Variants in NCOR1 observed in about 807,000 individuals in gnomAD.
NCOR1 encodes nuclear receptor corepressor 1.
A neutral mutation model predicts 288.1 loss-of-function variants in NCOR1; 63 were observed. The observed-to-expected ratio is 0.22, with a 90% CI of 0.18 to 0.27. The LOEUF (loss-of-function observed/expected upper bound fraction) is 0.27. NCOR1 is among the 10% of genes least tolerant of loss of function. The pLI, the probability that NCOR1 is intolerant of heterozygous loss-of-function variation, is 1.00. For synonymous variants in NCOR1, 1,007 were observed against 1,065.9 expected (o/e 0.94, Z 1.08); for missense variants, 2,397 against 3,019.2 (o/e 0.79, Z 4.83).
Position 16,146,377 on chromosome 17 carries a change from G to T in NCOR1, c.1081C>A (p.Arg361=), listed in dbSNP as rs1478001625. 6.3e-7 allele frequency: 1 copy of T among 1,596,928 alleles called. No individual in the cohort carries two copies. Among genetic ancestry groups the T allele is most frequent in the African/African-American group, 1.4e-5 (1 of 73,858 alleles). Residue 361 remains arginine (R), a splice_region_variant and synonymous_variant, in exon 10 of 46, where the codon CGA becomes AGA. Transcript: ENST00000268712. ...GTCATTAAACATCAAACTACTCACC[G>T]CTGAAATCTTTCTTGCTGTTCTCTT... is the stretch of plus-strand genomic sequence containing the variant. ...KQREQQERFQ[R]VGQRGAGLSA... is the part of the protein sequence containing the mutation.
intron 6 of NCOR1, among the ~76,000 whole-genome samples, chr17:16,154,129 T>C (rs2079329473): frequency 6.9e-6 from 1 of 143,964 alleles, no homozygotes; most frequent in Non-Finnish European, 1.5e-5. Flanking sequence ...TGGACTCAAA[T>C]AATGCCCCCA....
At chr17:16,044,123 C>T (rs564428053) in intron 42 of NCOR1, among the ~76,000 whole-genome samples, 201 of 139,290 alleles carry the variant, frequency 1.4e-3, no homozygotes, top group African/African-American at 4.9e-3. Flanking sequence ...GAGCCGAGAT[C>T]GTGCCACTGC....
intron 40 of NCOR1, among the ~76,000 whole-genome samples, chr17:16,051,898 C>T (rs1297429135): frequency 2.0e-5 from 3 of 151,910 alleles, no homozygotes; most frequent in Non-Finnish European, 2.9e-5. Flanking sequence ...ACAACAAGAG[C>T]GAAACTCCTT....
intron 11 of NCOR1, 134 bp downstream of exon 11, chr17:16,143,472 T>C (rs2077429036): frequency 1.1e-5 from 7 of 648,954 alleles, no homozygotes; most frequent in Non-Finnish European, 1.6e-5. Context: ...TAACAGACAC[T>C]CAAATCTTTG....
rs1024263356 is a variant in NCOR1, at chr17:16,127,315, A to T, written c.1510-1109T>A. 5.0e-5 allele frequency among the ~76,000 whole-genome samples: 2 copies of T among 40,004 alleles called. 1 individual carries two copies. Among genetic ancestry groups the T allele is most frequent in the African/African-American group, 1.7e-4 (2 of 11,990 alleles). 26.2% of individuals were successfully genotyped at this position (40,004 alleles called of 152,430 possible). A position where few individuals can be genotyped will look rare whatever the true frequency, so the allele number is the denominator to read the frequency against. ...TATGTATGTATGTATATATACATGT[A>T]TGTATATATGTATGTATATATACAT... On this transcript the variant is annotated intron_variant, in intron 14 of 45. Transcript: ENST00000268712.
At chr17:16,110,905 G>A (rs879704842) in intron 18 of NCOR1, among the ~76,000 whole-genome samples, 2 of 152,298 alleles carry the variant, frequency 1.3e-5, no homozygotes, top group Non-Finnish European at 2.9e-5. Context: ...GAGACACACT[G>A]GCTACACTTT....
chr17:16,126,087 G>T lies in NCOR1; in HGVS notation c.1629C>A (p.Asp543Glu), dbSNP rs1167035724. Reference protein sequence around the residue: ...KDEEEKDEKEDSKENTKEKDK... With the variant: ...KDEEEKDEKEESKENTKEKDK... Reference sequence around the variant, plus strand: ...TAACTAATTATTTAACTCACTTGGAGTCTTCTTTTTCATCTTTTTCCTCTT... The same window carrying T: ...TAACTAATTATTTAACTCACTTGGATTCTTCTTTTTCATCTTTTTCCTCTT... Residue 543 changes from aspartate (D) to glutamate (E), a missense_variant, in exon 15 of 46, where the codon GAC (aspartate) becomes GAA (glutamate). By Grantham distance (45) the Asp-to-Glu change is conservative. Around this residue, in one of 11 missense-constraint regions of NCOR1, gnomAD observed 113 missense variants for 139.5 expected, o/e 0.81. Coordinates refer to ENST00000268712, the MANE Select transcript of NCOR1 (RefSeq NM_006311.4). 1.6e-6 allele frequency: 2 copies of T among 1,275,716 alleles called. No homozygotes were observed. The highest frequency in any genetic ancestry group is 2.2e-6 in the Non-Finnish European group (2 of 925,600). 79.0% of individuals were successfully genotyped at this position (1,275,716 alleles called of 1,614,324 possible).
chr17:16,171,782 G>A lies in NCOR1; in HGVS notation c.435+21C>T, dbSNP rs192829393. 5 of 1,535,450 alleles carry A rather than the reference G, an allele frequency of 3.3e-6. No individual in the cohort carries two copies. In the East Asian group the frequency reaches 6.9e-5, roughly 21 times the overall value. On this transcript the variant is annotated intron_variant, in intron 4 of 45. Transcript: ENST00000268712. ...ACATTACAAACCTACAACTCTACAG[G>A]GTAAGAGAACAAATATTTACCTTCT...
At chr17:16,084,963 T>C (rs1011192694) in intron 23 of NCOR1, among the ~76,000 whole-genome samples, 2 of 152,180 alleles carry the variant, frequency 1.3e-5, no homozygotes, top group East Asian at 3.8e-4. Flanking sequence ...ATTTAGACTA[T>C]ATAAAAATTT....
rs1409331861 is a variant in NCOR1, at chr17:16,127,219, G to GTA, written c.1510-1015_1510-1014dup. ...TATACATGTATGTATATATCTGTAT[G>GTA]TATATATACATGTATGCATATATGT... On this transcript the variant is annotated intron_variant, in intron 14 of 45. Transcript: ENST00000268712. Among the ~76,000 whole-genome samples, 2 of 143,610 alleles carry GTA rather than the reference G, an allele frequency of 1.4e-5. 1 individual carries two copies. Among genetic ancestry groups the GTA allele is most frequent in the East Asian group, 4.0e-4 (2 of 4,948 alleles). 94.2% of individuals were successfully genotyped at this position (143,610 alleles called of 152,430 possible).
chr17:16,132,576 G>A (rs891338438), intron 14 of NCOR1, among the ~76,000 whole-genome samples: 3 of 152,138 alleles, frequency 2.0e-5, no homozygotes, highest in Non-Finnish European at 2.9e-5. Context: ...ATGGGTTGGG[G>A]TAGTCTCTAT....
chr17:16,175,261 G>C (rs1225895031), intron 3 of NCOR1, among the ~76,000 whole-genome samples: 11 of 151,892 alleles, frequency 7.2e-5, no homozygotes, highest in Non-Finnish European at 2.9e-5. Flanking sequence ...CCAGCTACTC[G>C]GGAAACTGAG....
intron 9 of NCOR1, among the ~76,000 whole-genome samples, chr17:16,146,778 C>T (rs1440807180): frequency 6.6e-6 from 1 of 152,132 alleles, no homozygotes; most frequent in African/African-American, 2.4e-5. Flanking sequence ...AACATTAAGA[C>T]TATGCATATT....
chr17:16,067,938 G>A lies in NCOR1; in HGVS notation c.4697C>T (p.Thr1566Met), dbSNP rs118021690. 56 of 1,614,172 alleles carry A rather than the reference G, an allele frequency of 3.5e-5. No individual in the cohort carries two copies. Among genetic ancestry groups the A allele is most frequent in the Non-Finnish European group, 4.3e-5 (51 of 1,180,030 alleles). ...AGEVYRSHLPTHLDPAMPFHR... is the reference protein window; with the variant it reads ...AGEVYRSHLPMHLDPAMPFHR... ...AAAAGGCATGGCTGGATCCAAGTGC[G>A]TGGGCAGGTGGCTCCGATAAACCTC... Residue 1566 changes from threonine (T) to methionine (M), a missense_variant, in exon 32 of 46, where the codon ACG becomes ATG. By Grantham distance (81) the Thr-to-Met change is moderately conservative. Around this residue, in one of 11 missense-constraint regions of NCOR1, gnomAD observed 1,872 missense variants for 2,187.8 expected, o/e 0.86. Transcript: ENST00000268712.
rs2151985795 is a variant in NCOR1, at chr17:16,039,559, C to A, written c.6829G>T (p.Asp2277Tyr). The A allele has an allele frequency of 1.4e-5, 22 of 1,614,166 alleles. No homozygotes were observed. The highest frequency in any genetic ancestry group is 1.9e-5 in the Non-Finnish European group (22 of 1,180,024). The change falls in exon 44 of 46, where the codon GAC (aspartate) becomes TAC (tyrosine). Residue 2277 changes from aspartate to tyrosine, a missense_variant. Physicochemically the swap from Asp to Tyr is radical, Grantham distance 160. Transcript: ENST00000268712. Reference sequence around the variant, plus strand: ...ACAACTCCATGATCCTCAACTTTGTCATCAAAGCTTCCCATGAGAGCCTTC... The same window carrying A: ...ACAACTCCATGATCCTCAACTTTGTAATCAAAGCTTCCCATGAGAGCCTTC... Reference protein sequence around the residue: ...IRKALMGSFDDKVEDHGVVMS... With the variant: ...IRKALMGSFDYKVEDHGVVMS...
intron 4 of NCOR1, among the ~76,000 whole-genome samples, chr17:16,167,413 A>G (rs2082218707): frequency 6.6e-6 from 1 of 152,092 alleles, no homozygotes; most frequent in East Asian, 1.9e-4. Context: ...AATAGCAAAC[A>G]TTTATAAGAG....
intron 3 of NCOR1, among the ~76,000 whole-genome samples, chr17:16,180,643 G>A (rs1162827372): frequency 6.6e-6 from 1 of 152,042 alleles, no homozygotes; most frequent in African/African-American, 2.4e-5. Context: ...AGCTACCCGG[G>A]AGGCTGCAGT....
At chr17:16,207,387 G>A (rs1199043172) in intron 1 of NCOR1, among the ~76,000 whole-genome samples, 1 of 152,078 alleles carries the variant, frequency 6.6e-6, no homozygotes, top group Non-Finnish European at 1.5e-5. Flanking sequence ...GGGGTAAAGG[G>A]GCAATCTATA....
chr17:16,158,917 A>G (rs1246884111), intron 5 of NCOR1, 44 bp from the exon 6 acceptor site: 7 of 1,384,816 alleles, frequency 5.1e-6, no homozygotes, highest in Non-Finnish European at 7.2e-6. Flanking sequence ...GCTGCACACC[A>G]CACCCAGCAG....
Sources: allele counts gnomAD v4.1 joint callset (sites outside exome capture counted in the v4.1 genomes callset), GRCh38; gene constraint gnomAD v4.1.1; regional missense constraint gnomAD v4.1.1; transcripts MANE v1.5; gene names NCBI Gene and HGNC (gene_info 2026-07-23, HGNC 2026-07-21).